HHLA2: variants seen among roughly 807,000 people sequenced by gnomAD.
The protein encoded by HHLA2 is HERV-H LTR-associating protein 2.
A neutral mutation model predicts 45.9 loss-of-function variants in HHLA2; 48 were observed. That is an observed-to-expected ratio of 1.05 (90% confidence interval 0.83 to 1.33). The LOEUF is 1.33. HHLA2 is among the 40% of genes most tolerant of loss of function. The pLI, the probability that HHLA2 is intolerant of heterozygous loss-of-function variation, is 0.00. For missense variants in HHLA2, 462 were observed against 494.3 expected, an observed-to-expected ratio of 0.93 and a Z score of 0.62; for synonymous variants, 161 against 173.9, an observed-to-expected ratio of 0.93 and a Z score of 0.59.
chr3:108,371,495 T>C (rs1165250396), intron 8 of HHLA2, among the ~76,000 whole-genome samples: 1 of 152,132 alleles, frequency 6.6e-6, no homozygotes, highest in African/African-American at 2.4e-5. Context: ...TAAATGTAAA[T>C]GGGCTAAATG....
chr3:108,339,765 C>A (rs1230622890), intron 3 of HHLA2, among the ~76,000 whole-genome samples: 2 of 152,158 alleles, frequency 1.3e-5, no homozygotes, highest in Non-Finnish European at 2.9e-5. Context: ...CTCCTCTGAT[C>A]TGACAATTCC....
chr3:108,374,472 G>A (rs1241665506), intron 8 of HHLA2, among the ~76,000 whole-genome samples: 1 of 149,398 alleles, frequency 6.7e-6, no homozygotes, highest in Non-Finnish European at 1.5e-5. Flanking sequence ...AGACAAAATT[G>A]ACAAATGGGA....
At chr3:108,367,032 C>T (rs116037642) in intron 8 of HHLA2, among the ~76,000 whole-genome samples, 4,857 of 152,192 alleles carry the variant, frequency 0.032, 253 homozygotes, top group African/African-American at 0.11. Flanking sequence ...TTTGCTGTTC[C>T]GCAGCATCCA....
chr3:108,348,839 C>T (rs1222254096), intron 3 of HHLA2, among the ~76,000 whole-genome samples: 2 of 151,776 alleles, frequency 1.3e-5, no homozygotes, highest in Admixed American at 1.3e-4. Context: ...TGATGTTCCC[C>T]TCCCTGTGTC....
At position 108,355,030 on chromosome 3, in the gene HHLA2, G is replaced by T. The variant is rs912569283; in HGVS notation, c.419-85G>T. On this transcript the variant is annotated intron_variant, in intron 5 of 10. Transcript: ENST00000619531. ...CATAAAATTTAGCTTTTCATTTCAT[G>T]GATATTAAAAAGTATTCTGCACAGA... 8.0e-6 allele frequency: 11 copies of T among 1,375,058 alleles called. No homozygotes were observed. In the Admixed American group the frequency reaches 3.1e-4, roughly 38 times the overall value. The allele number at this position is 1,375,058 out of a possible 1,614,324, so 85.2% of individuals were successfully genotyped here.
At chr3:108,361,436 G>T (rs140576760) in intron 7 of HHLA2, among the ~76,000 whole-genome samples, 2 of 152,176 alleles carry the variant, frequency 1.3e-5, no homozygotes, top group African/African-American at 2.4e-5. Flanking sequence ...CGCAGTGCTT[G>T]TGATCAAGTA....
At chr3:108,310,423 C>A (rs1277121486) in intron 1 of HHLA2, among the ~76,000 whole-genome samples, 1 of 151,988 alleles carries the variant, frequency 6.6e-6, no homozygotes, top group Non-Finnish European at 1.5e-5. Flanking sequence ...ACATATTGTT[C>A]CCCTCTTATT....
At chr3:108,316,310 A>G (rs1419149917) in intron 2 of HHLA2, among the ~76,000 whole-genome samples, 1 of 152,240 alleles carries the variant, frequency 6.6e-6, no homozygotes, top group Non-Finnish European at 1.5e-5. Flanking sequence ...GTCAGGTGCC[A>G]GAGGCAAAAC....
Position 108,339,288 on chromosome 3 carries a change from A to G in HHLA2, c.-27+10941A>G, listed in dbSNP as rs144357852. Among the ~76,000 whole-genome samples, 723 of 152,300 alleles carry G rather than the reference A, an allele frequency of 4.7e-3. 8 individuals are homozygous for G. The highest frequency in any genetic ancestry group is 0.017 in the African/African-American group (693 of 41,562). ...GATTAAATCTACAATGAAATAAACTATCAGCTTCTCCATAGTTTGTTCTCA... is the reference window on the plus strand; with the variant it reads ...GATTAAATCTACAATGAAATAAACTGTCAGCTTCTCCATAGTTTGTTCTCA... On this transcript the variant is annotated intron_variant, in intron 3 of 10. Transcript: ENST00000619531.
intron 8 of HHLA2, among the ~76,000 whole-genome samples, chr3:108,371,243 G>A (rs1322538223): frequency 1.3e-5 from 2 of 152,106 alleles, no homozygotes; most frequent in African/African-American, 4.8e-5. Context: ...ATAAGTGAAG[G>A]AGAAACAAAA....
At chr3:108,368,628 A>G (rs187614614) in intron 8 of HHLA2, among the ~76,000 whole-genome samples, 1 of 151,776 alleles carries the variant, frequency 6.6e-6, no homozygotes, top group East Asian at 1.9e-4. Flanking sequence ...AAAGATCAAA[A>G]AAGACAAAGA....
chr3:108,319,743 A>G (rs941085403), intron 2 of HHLA2, among the ~76,000 whole-genome samples: 7 of 152,192 alleles, frequency 4.6e-5, no homozygotes, highest in Non-Finnish European at 7.3e-5. Context: ...TTTTCCAACA[A>G]TAAAATATTT....
intron 3 of HHLA2, among the ~76,000 whole-genome samples, chr3:108,347,591 T>C (rs964105096): frequency 6.6e-6 from 1 of 152,184 alleles, no homozygotes; most frequent in Admixed American, 6.5e-5. Context: ...ATGACTTCTT[T>C]TTTTAAAAAA....
chr3:108,339,290 C>G (rs2081525922), intron 3 of HHLA2, among the ~76,000 whole-genome samples: 1 of 152,172 alleles, frequency 6.6e-6, no homozygotes, highest in African/African-American at 2.4e-5. Context: ...AATAAACTAT[C>G]AGCTTCTCCA....
chr3:108,373,065 A>G (rs1016640574), intron 8 of HHLA2, among the ~76,000 whole-genome samples: 18 of 152,338 alleles, frequency 1.2e-4, no homozygotes, highest in Admixed American at 3.3e-4. Context: ...ATGAACATTG[A>G]TGCAAAAATC....
At chr3:108,312,506 A>G (rs960876840) in intron 2 of HHLA2, among the ~76,000 whole-genome samples, 2 of 6,690 alleles carry the variant, frequency 3.0e-4, no homozygotes, top group African/African-American at 3.2e-4. Flanking sequence ...GCCTTTGTAT[A>G]CACTCTTCCA....
chr3:108,326,070 A>G (rs1025221259), intron 2 of HHLA2: 40 of 283,422 alleles, frequency 1.4e-4, no homozygotes, highest in Middle Eastern at 1.4e-3. Context: ...TTAATTTTCC[A>G]TACTGTTCAA....
rs527739981 is a variant in HHLA2 at position 108,352,849 on chromosome 3, C to T, written c.65-578C>T. ...CCTGAGAGCAGTCTTAAACTCAAAG[C>T]AAATGAATGACTCTCTTTCCCTTTT... is the stretch of plus-strand genomic sequence containing the variant. On this transcript the variant is annotated intron_variant, in intron 4 of 10. Coordinates refer to ENST00000619531, the Ensembl canonical transcript of HHLA2. Among the ~76,000 whole-genome samples, 176 of 152,306 alleles carry T rather than the reference C, an allele frequency of 1.2e-3. 2 individuals are homozygous for T. The highest frequency in any genetic ancestry group is 4.1e-3 in the African/African-American group (169 of 41,570).
chr3:108,339,516 G>C (rs1369602271), intron 3 of HHLA2, among the ~76,000 whole-genome samples: 1 of 151,988 alleles, frequency 6.6e-6, no homozygotes, highest in Non-Finnish European at 1.5e-5. Context: ...ATGTGATTGT[G>C]CCTAGAATTA....
Sources: allele counts gnomAD v4.1 joint callset (sites outside exome capture counted in the v4.1 genomes callset), GRCh38; gene constraint gnomAD v4.1.1; transcripts MANE v1.5; gene names NCBI Gene and HGNC (gene_info 2026-07-23, HGNC 2026-07-21).